Variants in FAM228B observed in about 807,000 individuals in gnomAD.
FAM228B encodes the protein protein FAM228B.
Under a neutral mutation model 42.6 loss-of-function variants are expected in FAM228B, and 38 were observed. The observed-to-expected ratio is 0.89, with a 90% confidence interval of 0.69 to 1.17. FAM228B has a LOEUF of 1.17. FAM228B is among the 50% of genes most tolerant of loss of function. The pLI, the probability that FAM228B is intolerant of heterozygous loss-of-function variation, is 0.00. For synonymous variants in FAM228B, 109 were observed against 122.3 expected (o/e 0.89, Z 0.72); for missense variants, 344 against 367.3 (o/e 0.94, Z 0.52).
Position 24,084,214 on chromosome 2 carries a change from G to T in FAM228B, c.-210+3259G>T, listed in dbSNP as rs756326061. ...CTGCATTAAGTCCGCCCGGTTCAGG[G>T]CGCTGGCCGCCACCTTCAGGAGGAC... On this transcript the variant is annotated intron_variant, in intron 2 of 10. Coordinates refer to the FAM228B transcript ENST00000613899. This position sits in a 1 kb window ranked among gnomAD's most constrained non-coding sequence, Gnocchi z 8.4. 1 of 1,613,564 alleles carries T rather than the reference G, an allele frequency of 6.2e-7. No individual in the cohort carries two copies. Among genetic ancestry groups the T allele is most frequent in the Admixed American group, 1.7e-5 (1 of 59,988 alleles).
chr2:24,081,052 TTC>T, intron 2 of FAM228B: 1 of 1,600,560 alleles, frequency 6.2e-7, no homozygotes, highest in African/African-American at 1.3e-5. Flanking sequence ...AAGTACAGGG[TTC>T]TCTTTACTTT....
chr2:24,116,813 G>A (rs1324872231), intron 3 of FAM228B, among the ~76,000 whole-genome samples: 2 of 151,368 alleles, frequency 1.3e-5, no homozygotes, highest in Non-Finnish European at 2.9e-5. Flanking sequence ...GAACCTGGAA[G>A]TTGCAGGGAG....
intron 7 of FAM228B, among the ~76,000 whole-genome samples, chr2:24,148,344 G>A (rs139459619): frequency 2.0e-4 from 31 of 152,280 alleles, no homozygotes; most frequent in Non-Finnish European, 4.1e-4. Context: ...TCTAGTGGAC[G>A]CAGAGGAATA....
chr2:24,167,839 C>T (rs1450866553), intron 10 of FAM228B, 156 bp downstream of exon 10: 3 of 854,018 alleles, frequency 3.5e-6, no homozygotes. Flanking sequence ...TTATGATGAT[C>T]TATTTCAGTG....
In FAM228B at chr2:24,077,231, C is replaced by T. The variant is rs916749413; in HGVS notation, c.-290+262C>T. On this transcript the variant is annotated intron_variant, in intron 1 of 10. Transcript: ENST00000613899. This position sits in a 1 kb window ranked among gnomAD's most constrained non-coding sequence, Gnocchi z 5.5. Reference sequence around the variant, plus strand: ...GGTGCCGGAGGTGGTGGGCCTGGGCCTCTAGCTGTGCGCAAGGCGGAATAT... The same window carrying T: ...GGTGCCGGAGGTGGTGGGCCTGGGCTTCTAGCTGTGCGCAAGGCGGAATAT... Among the ~76,000 whole-genome samples, 3 of 152,066 alleles carry T rather than the reference C, an allele frequency of 2.0e-5. No individual in the cohort carries two copies. Among genetic ancestry groups the T allele is most frequent in the African/African-American group, 7.2e-5 (3 of 41,408 alleles).
rs1012195674 is a variant in FAM228B, at chr2:24,114,303, G to A, written c.-121+19074G>A. Among the ~76,000 whole-genome samples, 47 of 152,148 alleles carry A rather than the reference G, an allele frequency of 3.1e-4. 1 individual carries two copies. The highest frequency in any genetic ancestry group is 1.1e-3 in the African/African-American group (46 of 41,438). The stretch of plus-strand genomic sequence containing the variant: ...TCCCGTTTCCCAATCTCCTGAGATC[G>A]AATGTGTTCCCTCTCCAGGTGCTAG... On this transcript the variant is annotated intron_variant, in intron 3 of 10. Coordinates refer to the FAM228B transcript ENST00000613899.
Position 24,158,258 on chromosome 2 carries a change from C to G in FAM228B, c.687-3248C>G, listed in dbSNP as rs368927170. ...ACTCTATTAAAATGCCGCTTTAAAA[C>G]TTCCTCTCTGAAGTCATTCCAGGTG... is the stretch of plus-strand genomic sequence containing the variant. On this transcript the variant is annotated intron_variant, in intron 7 of 10. Transcript: ENST00000615575. 7.7e-5 allele frequency among the ~76,000 whole-genome samples: 9 copies of G among 116,632 alleles called. No homozygotes were observed. The East Asian group carries it at 1.5e-3, about 20-fold the overall frequency. 76.5% of individuals were successfully genotyped at this position (116,632 alleles called of 152,430 possible).
intron 3 of FAM228B, among the ~76,000 whole-genome samples, chr2:24,136,085 A>C (rs1666580634): frequency 2.1e-5 from 2 of 96,594 alleles, no homozygotes; most frequent in Admixed American, 1.6e-4. Flanking sequence ...TTTTTGAGAC[A>C]GGGTCTCACT....
At chr2:24,151,362 C>T in intron 7 of FAM228B, among the ~76,000 whole-genome samples, 1 of 151,628 alleles carries the variant, frequency 6.6e-6, no homozygotes. Flanking sequence ...GTGATCTTGG[C>T]TCACTGCAAC....
upstream of FAM228B, among the ~76,000 whole-genome samples, chr2:24,119,321 G>A (rs1169935017): frequency 6.6e-6 from 1 of 152,162 alleles, no homozygotes; most frequent in Non-Finnish European, 1.5e-5. Flanking sequence ...AAAGGAAACA[G>A]TTTGCTATGA....
At chr2:24,134,684 C>T (rs1432260410) in intron 2 of FAM228B, among the ~76,000 whole-genome samples, 1 of 152,204 alleles carries the variant, frequency 6.6e-6, no homozygotes, top group African/African-American at 2.4e-5. Flanking sequence ...GGCACAGTGG[C>T]TCAGGCCTGT....
chr2:24,169,433 G>C lies in FAM228B; in HGVS notation c.*92G>C, dbSNP rs1453463706. 2.2e-6 allele frequency: 1 copy of C among 447,140 alleles called. No individual in the cohort carries two copies. Among genetic ancestry groups the C allele is most frequent in the South Asian group, 1.6e-5 (1 of 62,910 alleles). 27.7% of individuals were successfully genotyped at this position (447,140 alleles called of 1,614,324 possible). ...ACAAAATCAGGCTGCTTCAGAGGAA[G>C]TCATCTGCTCACAGGAATCAGGGTG... On this transcript the variant is annotated 3_prime_UTR_variant, in exon 11 of 11. Transcript: ENST00000615575. The surrounding 1 kb of genome is among the most constrained non-coding windows in gnomAD (Gnocchi z 4.2).
At chr2:24,097,589 T>A (rs1180861437) in intron 3 of FAM228B, 17 of 152,018 alleles carry the variant, frequency 1.1e-4, no homozygotes, top group Admixed American at 1.1e-3. Context: ...CTAACTATCC[T>A]AAATATATAT....
chr2:24,144,132 C>A (rs1215295999), intron 5 of FAM228B, among the ~76,000 whole-genome samples: 2 of 152,078 alleles, frequency 1.3e-5, no homozygotes, highest in Non-Finnish European at 2.9e-5. Flanking sequence ...TTGTTTGTTT[C>A]TATCTTCAAT....
rs115848321 is a variant in FAM228B, at chr2:24,143,643, G to A, written c.442-3105G>A. ...AAGACATAAAGAAGTTTACAAAAAT[G>A]TAAAACAGTGTTACTCTTCTCATTT... On this transcript the variant is annotated intron_variant, in intron 5 of 10. Coordinates refer to ENST00000615575, the MANE Select transcript of FAM228B (RefSeq NM_001145710.2). Among the ~76,000 whole-genome samples the A allele has an allele frequency of 2.0e-3, 305 of 152,276 alleles. 1 individual carries two copies. Among genetic ancestry groups the A allele is most frequent in the African/African-American group, 7.0e-3 (292 of 41,560 alleles).
chr2:24,119,607 T>C (rs1194635418), upstream of FAM228B: 1 of 1,613,960 alleles, frequency 6.2e-7, no homozygotes, highest in East Asian at 2.2e-5. Context: ...ACACAGATGC[T>C]AGGATACATG....
chr2:24,161,261 C>A (rs986769941), intron 7 of FAM228B, among the ~76,000 whole-genome samples: 1 of 152,064 alleles, frequency 6.6e-6, no homozygotes, highest in Non-Finnish European at 1.5e-5. Context: ...GCCTGGGCAA[C>A]ATGTTGAGAC....
intron 3 of FAM228B, among the ~76,000 whole-genome samples, chr2:24,098,055 G>A (rs546019978): frequency 9.9e-5 from 15 of 152,242 alleles, no homozygotes; most frequent in African/African-American, 3.6e-4. Context: ...ACGAAATGAA[G>A]GCAGAAATAA....
intron 2 of FAM228B, among the ~76,000 whole-genome samples, chr2:24,130,570 GA>G (rs1391949265): frequency 4.6e-5 from 7 of 152,136 alleles, no homozygotes; most frequent in Admixed American, 4.6e-4. Flanking sequence ...GTGATGTTGA[GA>G]TTTTTTTCAT....
Sources: gnomAD v4.1 joint callset for allele counts (sites outside exome capture counted in the v4.1 genomes callset) on GRCh38, gnomAD v4.1.1 for gene constraint, Gnocchi (gnomAD v3.1) non-coding constraint, MANE v1.5 for transcripts, NCBI Gene and HGNC (gene_info 2026-07-23, HGNC 2026-07-21) for gene names.